Variants in SYNM observed in about 807,000 individuals in gnomAD.
The protein encoded by SYNM is desmuslin.
SYNM carries 95 observed loss-of-function variants against 104.0 expected under a neutral mutation model. That is an observed-to-expected ratio of 0.91 (90% CI 0.77 to 1.08). The LOEUF is 1.08. Among genes scored for constraint, SYNM ranks in the 50% least tolerant of loss-of-function variants. The pLI, the probability that SYNM is intolerant of heterozygous loss-of-function variation, is 0.00. For synonymous variants in SYNM, 918 were observed against 869.0 expected, an observed-to-expected ratio of 1.06 and a Z score of -0.99; for missense variants, 2,150 against 2,052.2, an observed-to-expected ratio of 1.05 and a Z score of -0.92.
At chr15:99,108,810 T>C (rs2067273413) in intron 1 of SYNM, among the ~76,000 whole-genome samples, 1 of 152,192 alleles carries the variant, frequency 6.6e-6, no homozygotes, top group Non-Finnish European at 1.5e-5. Flanking sequence ...TTCTGTCTGT[T>C]TGATCAGAGA....
rs2067356950 is a variant in SYNM at position 99,117,137 on chromosome 15, T to A, written c.935+3422T>A. 2.9e-5 allele frequency among the ~76,000 whole-genome samples: 3 copies of A among 104,588 alleles called. 1 individual carries two copies. Among genetic ancestry groups the A allele is most frequent in the Non-Finnish European group, 6.7e-5 (3 of 44,668 alleles). 68.6% of individuals were successfully genotyped at this position (104,588 alleles called of 152,430 possible). ...TCAACACGGAGGTCACATTTCAACATGAGATTAGGAGAAGACACACATCCA... is the reference window on the plus strand; with the variant it reads ...TCAACACGGAGGTCACATTTCAACAAGAGATTAGGAGAAGACACACATCCA... On this transcript the variant is annotated intron_variant, in intron 2 of 3. Coordinates refer to ENST00000336292, the MANE Select transcript of SYNM (RefSeq NM_145728.3).
chr15:99,116,144 G>A (rs1195268328), intron 2 of SYNM, among the ~76,000 whole-genome samples: 4 of 152,266 alleles, frequency 2.6e-5, no homozygotes, highest in African/African-American at 7.2e-5. Context: ...CTGAGGGGCT[G>A]GTGGCCGGGG....
In SYNM at chr15:99,129,960, G is replaced by A; in HGVS notation, c.1600G>A (p.Glu534Lys). 1 of 1,611,964 alleles carries A rather than the reference G, an allele frequency of 6.2e-7. No individual in the cohort carries two copies. The highest frequency in any genetic ancestry group is 8.5e-7 in the Non-Finnish European group (1 of 1,178,876). The change falls in exon 4 of 4, where the codon GAG (glutamate) becomes AAG (lysine). Residue 534 changes from glutamate (E) to lysine (K), a missense_variant. Transcript: ENST00000336292. ...MFDSKEKASE[E>K]RNLRWEELTK... ...CGATTCTAAAGAGAAGGCTTCCGAG[G>A]AGAGAAACCTAAGATGGGAAGAATT...
chr15:99,138,114 C>T (rs782068752), downstream of SYNM: 45 of 1,612,628 alleles, frequency 2.8e-5, no homozygotes, highest in African/African-American at 2.1e-4. Context: ...GGCTTCGAAG[C>T]AACCTTGGGG....
At chr15:99,117,657 A>G (rs986439483) in intron 2 of SYNM, among the ~76,000 whole-genome samples, 2 of 152,010 alleles carry the variant, frequency 1.3e-5, no homozygotes, top group South Asian at 2.1e-4. Flanking sequence ...TTTCTTCCCT[A>G]CTTCGTCCTG....
intron 1 of SYNM, among the ~76,000 whole-genome samples, chr15:99,110,787 C>T (rs1450857611): frequency 1.3e-5 from 2 of 152,206 alleles, no homozygotes; most frequent in African/African-American, 4.8e-5. Context: ...AAAAGGTGAC[C>T]TCTCTCCCAA....
Position 99,130,074 on chromosome 15 carries a change from G to A in SYNM, c.1714G>A (p.Val572Met), listed in dbSNP as rs186116529. 1.2e-5 allele frequency: 20 copies of A among 1,613,826 alleles called. No individual in the cohort carries two copies. In the East Asian group the frequency reaches 2.9e-4, roughly 23 times the overall value. Residue 572 changes from valine to methionine, a missense_variant, in exon 4 of 4, where the codon GTG (valine) becomes ATG (methionine). By Grantham distance (21) the Val-to-Met change is conservative. Transcript: ENST00000336292. ...GAAGGACTCACCGAAGGAGAAGAGC[G>A]TGCGAGAGAGAGAGGTGCCGATTAG... ...KEKDSPKEKS[V>M]REREVPISLE...
downstream of SYNM, chr15:99,137,085 T>G (rs2067648029): frequency 6.6e-6 from 1 of 152,354 alleles, no homozygotes; most frequent in Non-Finnish European, 1.5e-5. Context: ...GGAAGGGACA[T>G]CACTGCCCAC....
At chr15:99,116,641 C>T (rs2654965) in intron 2 of SYNM, among the ~76,000 whole-genome samples, 18,287 of 142,592 alleles carry the variant, frequency 0.13, 3,245 homozygotes, top group African/African-American at 0.21. Context: ...GGCAAGAGAG[C>T]GAGCAAGAGA....
Position 99,131,211 on chromosome 15 carries a change from G to A in SYNM, c.2851G>A (p.Glu951Lys). 6.2e-7 allele frequency: 1 copy of A among 1,609,214 alleles called. No homozygotes were observed. The highest frequency in any genetic ancestry group is 8.5e-7 in the Non-Finnish European group (1 of 1,177,920). Residue 951 changes from glutamate to lysine, a missense_variant, in exon 4 of 4, where the codon GAG (glutamate) becomes AAG (lysine). Glu to Lys is a moderately conservative substitution (Grantham distance 56, BLOSUM62 1). Coordinates refer to ENST00000336292, the MANE Select transcript of SYNM (RefSeq NM_145728.3). This position sits in a 1 kb window ranked among gnomAD's most constrained non-coding sequence, Gnocchi z 4.3. The part of the protein sequence containing the change: ...SSKEPRQQLV[E>K]VIGQLEETLP... ...CAAGGAGCCCCGGCAGCAGCTGGTG[G>A]AGGTCATCGGGCAGCTGGAGGAAAC...
downstream of SYNM, chr15:99,137,144 G>C (rs2067653432): frequency 6.6e-6 from 1 of 152,336 alleles, no homozygotes; most frequent in African/African-American, 2.4e-5. Context: ...TCTGGCACTG[G>C]ATCTCCTCGT....
chr15:99,129,257 C>T, intron 3 of SYNM, 110 bp from the exon 4 acceptor site: 2 of 1,415,654 alleles, frequency 1.4e-6, no homozygotes, highest in African/African-American at 2.9e-5. Flanking sequence ...TCTGTGGTAA[C>T]AGTGTATATT....
intron 3 of SYNM, among the ~76,000 whole-genome samples, chr15:99,128,001 C>CTTCA (rs57585643): frequency 0.076 from 11,547 of 151,120 alleles, 1,257 homozygotes; most frequent in African/African-American, 0.25. Flanking sequence ...TGTTAACTTG[C>CTTCA]TTCATTCATT....
downstream of SYNM, chr15:99,138,033 G>T: frequency 6.2e-7 from 1 of 1,614,048 alleles, no homozygotes; most frequent in Non-Finnish European, 8.5e-7. Flanking sequence ...GTGCCGGGCC[G>T]GGCCTTCCCC....
At chr15:99,114,438 G>A (rs946575937) in intron 2 of SYNM, among the ~76,000 whole-genome samples, 1 of 151,996 alleles carries the variant, frequency 6.6e-6, no homozygotes, top group Non-Finnish European at 1.5e-5. Context: ...TGAGGTTTGG[G>A]TGGGGACCCA....
chr15:99,130,168 CTGG>C lies in SYNM; in HGVS notation c.1815_1817del (p.Gly606del), dbSNP rs2067486194. ...GGTTTGCAGACGCCTGTGAAGGATG[CTGG>C]TGGTGGGACCGGTAGAGAGGCAGAA... On this transcript the variant is annotated inframe_deletion, in exon 4 of 4. Transcript: ENST00000336292. 2 of 1,613,884 alleles carry C rather than the reference CTGG, an allele frequency of 1.2e-6. No individual in the cohort carries two copies. Among genetic ancestry groups the C allele is most frequent in the South Asian group, 2.2e-5 (2 of 91,074 alleles).
chr15:99,118,552 T>C (rs1484396411), intron 2 of SYNM, among the ~76,000 whole-genome samples: 1 of 152,206 alleles, frequency 6.6e-6, no homozygotes, highest in African/African-American at 2.4e-5. Context: ...CCAAGGACTC[T>C]CAAATGTACT....
At chr15:99,138,794 C>T (rs999179156), downstream of SYNM, among the ~76,000 whole-genome samples, 3 of 152,318 alleles carry the variant, frequency 2.0e-5, no homozygotes, top group East Asian at 5.8e-4. Flanking sequence ...GTGTCTGCTC[C>T]GGGCTGTGGC....
chr15:99,129,560 C>T lies in SYNM; in HGVS notation c.1200C>T (p.Gly400=). ...IGGDARRGFL[G]SGYSSSATTQ... ...GTGATGCCAGAAGAGGCTTCTTGGG[C>T]TCGGGATATTCTTCCTCGGCCACTA... The change falls in exon 4 of 4, where the codon GGC becomes GGT. Residue 400 remains glycine (G), a synonymous_variant. Transcript: ENST00000336292. 1 of 1,613,932 alleles carries T rather than the reference C, an allele frequency of 6.2e-7. No homozygotes were observed. The highest frequency in any genetic ancestry group is 8.5e-7 in the Non-Finnish European group (1 of 1,179,898).
Sources: allele counts gnomAD v4.1 joint callset (sites outside exome capture counted in the v4.1 genomes callset), GRCh38; gene constraint gnomAD v4.1.1; non-coding constraint Gnocchi (gnomAD v3.1); transcripts MANE v1.5; gene names NCBI Gene and HGNC (gene_info 2026-07-23, HGNC 2026-07-21).